PRKCQ: variants seen among roughly 807,000 people sequenced by gnomAD.
PRKCQ encodes protein kinase C theta.
PRKCQ carries 41 observed loss-of-function variants against 91.2 expected under a neutral mutation model. That is an observed-to-expected ratio of 0.45 (90% CI 0.35 to 0.58). PRKCQ has a LOEUF of 0.58. PRKCQ is among the 20% of genes least tolerant of loss of function. PRKCQ has a pLI of 0.00. For synonymous variants in PRKCQ, 307 were observed against 316.9 expected (o/e 0.97, Z 0.33); for missense variants, 673 against 896.5 (o/e 0.75, Z 3.18).
chr10:6,430,517 T>C lies in PRKCQ; in HGVS notation c.1965+293A>G, dbSNP rs939935517. ...TGTGCACAACCCCCATCTTGTTTAA[T>C]AGTCACCCTCACAAATTCATATTCA... On this transcript the variant is annotated intron_variant, in intron 17 of 17. Transcript: ENST00000263125. The surrounding 1 kb of genome is among the most constrained non-coding windows in gnomAD (Gnocchi z 4.7). Among the ~76,000 whole-genome samples, 1 of 152,212 alleles carries C rather than the reference T, an allele frequency of 6.6e-6. No individual in the cohort carries two copies. The highest frequency in any genetic ancestry group is 2.4e-5 in the African/African-American group (1 of 41,462).
chr10:6,515,269 T>C, intron 1 of PRKCQ, 125 bp from the exon 2 acceptor site: 19 of 1,543,348 alleles, frequency 1.2e-5, no homozygotes, highest in Non-Finnish European at 1.6e-5. Flanking sequence ...CCACTATCCA[T>C]GTGAACAAAT....
chr10:6,434,472 A>G (rs1433379012), intron 16 of PRKCQ, among the ~76,000 whole-genome samples: 1 of 152,236 alleles, frequency 6.6e-6, no homozygotes, highest in African/African-American at 2.4e-5. Flanking sequence ...ACAGAACGGT[A>G]AATTAGTATA....
chr10:6,568,500 CTTT>C (rs201701542), intron 1 of PRKCQ, among the ~76,000 whole-genome samples: 1 of 139,076 alleles, frequency 7.2e-6, no homozygotes, highest in Non-Finnish European at 1.6e-5. Flanking sequence ...TTAGCTTAAC[CTTT>C]TTTTTTTTTT....
intron 1 of PRKCQ, among the ~76,000 whole-genome samples, chr10:6,533,644 T>C (rs1204831904): frequency 6.6e-6 from 1 of 152,166 alleles, no homozygotes; most frequent in Non-Finnish European, 1.5e-5. Flanking sequence ...AAAATAAAGA[T>C]ATTATAATGG....
chr10:6,531,051 C>A (rs1839373144), intron 1 of PRKCQ, among the ~76,000 whole-genome samples: 1 of 23,918 alleles, frequency 4.2e-5, no homozygotes, highest in African/African-American at 6.0e-5. Flanking sequence ...CAGGGTGGAG[C>A]CCACATGTTC....
At chr10:6,556,769 G>A (rs1197888948) in intron 1 of PRKCQ, among the ~76,000 whole-genome samples, 2 of 151,938 alleles carry the variant, frequency 1.3e-5, no homozygotes, top group African/African-American at 4.8e-5. Context: ...TCTTATTCCT[G>A]GCCTGTTTAT....
chr10:6,400,858 G>T, the PRKCQ span, among the ~76,000 whole-genome samples: 3 of 152,106 alleles, frequency 2.0e-5, no homozygotes, highest in Non-Finnish European at 4.4e-5. Context: ...ACAAAAAGCA[G>T]AAGAAAGAAA....
chr10:6,517,604 T>G (rs1838821952), intron 1 of PRKCQ, among the ~76,000 whole-genome samples: 1 of 144,096 alleles, frequency 6.9e-6, no homozygotes, highest in African/African-American at 2.6e-5. Context: ...TTTTTTTTTT[T>G]TTTTTTTTTT....
chr10:6,544,984 GT>G (rs35126400), intron 1 of PRKCQ, among the ~76,000 whole-genome samples: 119,985 of 144,836 alleles, frequency 0.83, 49,840 homozygotes, highest in East Asian at 0.97. Context: ...TTTCCTTTCT[GT>G]TTTTTTTTTT....
intron 5 of PRKCQ, among the ~76,000 whole-genome samples, chr10:6,498,006 C>T (rs1837707304): frequency 6.6e-6 from 1 of 152,210 alleles, no homozygotes. Context: ...CCATTAGCTA[C>T]AATGGCAGAG....
intron 15 of PRKCQ, among the ~76,000 whole-genome samples, chr10:6,446,015 TA>T (rs1834269814): frequency 6.6e-6 from 1 of 152,160 alleles, no homozygotes; most frequent in Admixed American, 6.5e-5. Flanking sequence ...GCGATGTTGG[TA>T]AAAAATTTCA....
chr10:6,460,130 C>A (rs372292642), intron 14 of PRKCQ, among the ~76,000 whole-genome samples: 2 of 152,202 alleles, frequency 1.3e-5, no homozygotes, highest in Non-Finnish European at 2.9e-5. Context: ...TTGATGATGA[C>A]TTTCAAGGGT....
the PRKCQ span, among the ~76,000 whole-genome samples, chr10:6,403,947 G>T: frequency 6.6e-6 from 1 of 151,974 alleles, no homozygotes; most frequent in Non-Finnish European, 1.5e-5. Flanking sequence ...AGGTCTTCAT[G>T]ATTTTACAAT....
At chr10:6,553,293 C>T (rs1840260401) in intron 1 of PRKCQ, among the ~76,000 whole-genome samples, 1 of 151,988 alleles carries the variant, frequency 6.6e-6, no homozygotes, top group South Asian at 2.1e-4. Context: ...ACTTTGAGAC[C>T]AGCCTGGGCA....
intron 17 of PRKCQ, among the ~76,000 whole-genome samples, chr10:6,429,639 C>T (rs1833305876): frequency 6.6e-6 from 1 of 152,320 alleles, no homozygotes; most frequent in South Asian, 2.1e-4. Context: ...GGCAAACCCA[C>T]AACTTTGCTC....
intron 1 of PRKCQ, among the ~76,000 whole-genome samples, chr10:6,567,576 C>T (rs376331456): frequency 4.6e-5 from 7 of 152,326 alleles, no homozygotes; most frequent in African/African-American, 1.7e-4. Flanking sequence ...CTATGACATC[C>T]CTGAGGTCAC....
intron 9 of PRKCQ, among the ~76,000 whole-genome samples, chr10:6,485,657 A>G (rs1322742348): frequency 6.6e-6 from 1 of 152,184 alleles, no homozygotes; most frequent in African/African-American, 2.4e-5. Flanking sequence ...CAGCAGGCCA[A>G]ATTTGCCCTG....
rs549675402 is a variant in PRKCQ, at chr10:6,462,500, C to A, written c.1446-135G>T. The A allele has an allele frequency of 7.1e-6, 5 of 706,524 alleles. No individual in the cohort carries two copies. The African/African-American group carries it at 7.2e-5, about 10-fold the overall frequency. The allele number at this position is 706,524 out of a possible 1,614,324, so 43.8% of individuals were successfully genotyped here. ...CACACATAACTCTGTTTAATCCTAA[C>A]AAGGAAGATGTTGTCCATTCATTCT... On this transcript the variant is annotated intron_variant, in intron 13 of 17. Coordinates refer to ENST00000263125, the MANE Select transcript of PRKCQ (RefSeq NM_006257.5).
intron 4 of PRKCQ, among the ~76,000 whole-genome samples, chr10:6,502,885 T>A (rs1466440539): frequency 6.6e-6 from 1 of 152,230 alleles, no homozygotes; most frequent in Non-Finnish European, 1.5e-5. Flanking sequence ...TAATTTTGGA[T>A]ACTTAGTTTA....
Sources: allele counts gnomAD v4.1 joint callset (sites outside exome capture counted in the v4.1 genomes callset), GRCh38; gene constraint gnomAD v4.1.1; non-coding constraint Gnocchi (gnomAD v3.1); transcripts MANE v1.5; gene names NCBI Gene and HGNC (gene_info 2026-07-23, HGNC 2026-07-21).